The following ELF2 variants were observed in gnomAD, a reference collection of about 807,000 sequenced individuals.
The protein encoded by ELF2 is E74 like ETS transcription factor 2.
ELF2 carries 11 observed loss-of-function variants against 54.8 expected under a neutral mutation model. The ratio of observed to expected loss-of-function variants is 0.20; its 90% CI spans 0.13 to 0.33. The LOEUF (loss-of-function observed/expected upper bound fraction) is 0.33. Ranked by LOEUF, ELF2 falls within the 10% of genes least tolerant of loss-of-function variation. The pLI is 1.00. For missense variants in ELF2, 513 were observed against 703.0 expected, an observed-to-expected ratio of 0.73 and a Z score of 3.06; for synonymous variants, 203 against 245.1, an observed-to-expected ratio of 0.83 and a Z score of 1.61.
At chr4:139,136,289 T>C (rs977039347) in intron 3 of ELF2, among the ~76,000 whole-genome samples, 2 of 152,048 alleles carry the variant, frequency 1.3e-5, no homozygotes, top group East Asian at 1.9e-4. Context: ...TGGATTTGAA[T>C]ACAAAAGAAA....
intron 1 of ELF2, 67 bp from the exon 2 acceptor site, chr4:139,139,564 G>C: frequency 2.4e-6 from 2 of 840,810 alleles, no homozygotes; most frequent in South Asian, 6.2e-5. Flanking sequence ...TGCTCAAACA[G>C]ATGTGATTGA....
chr4:139,070,823 C>T (rs1729405447), intron 6 of ELF2, among the ~76,000 whole-genome samples: 1 of 152,174 alleles, frequency 6.6e-6, no homozygotes, highest in South Asian at 2.1e-4. Flanking sequence ...TTATTCTCAT[C>T]TCCCTTACAA....
chr4:139,157,005 C>T (rs964644885), intron 1 of ELF2, among the ~76,000 whole-genome samples: 4 of 152,076 alleles, frequency 2.6e-5, no homozygotes, highest in African/African-American at 9.7e-5. Flanking sequence ...GAAATATATC[C>T]TAAGAAAGGC....
chr4:139,086,208 G>A (rs1731964112), intron 4 of ELF2, among the ~76,000 whole-genome samples: 1 of 75,032 alleles, frequency 1.3e-5, no homozygotes, highest in South Asian at 6.4e-4. Context: ...GAGAGAATAG[G>A]AAGAGGCCAA....
chr4:139,060,732 C>T, intron 8 of ELF2, 58 bp from the exon 9 acceptor site: 1 of 1,428,454 alleles, frequency 7.0e-7, no homozygotes, highest in East Asian at 2.3e-5. Flanking sequence ...CCCCACTCCA[C>T]CCCCGCCAAA....
At chr4:139,060,930 C>T (rs535217868) in intron 8 of ELF2, among the ~76,000 whole-genome samples, 7 of 152,206 alleles carry the variant, frequency 4.6e-5, no homozygotes, top group African/African-American at 4.8e-5. Context: ...CATTCTTTTT[C>T]TTAAAAGAAA....
intron 4 of ELF2, among the ~76,000 whole-genome samples, chr4:139,110,205 C>T (rs762810388): frequency 1.3e-4 from 20 of 152,138 alleles, no homozygotes; most frequent in Non-Finnish European, 2.4e-4. Context: ...GATTAAGACT[C>T]TTAAAGTGGC....
intron 7 of ELF2, chr4:139,066,293 ATC>A (rs1728697043): frequency 6.6e-6 from 1 of 151,968 alleles, no homozygotes. Context: ...ATGATACTTT[ATC>A]TGTCAGAATC....
intron 4 of ELF2, among the ~76,000 whole-genome samples, chr4:139,079,877 G>C (rs965331404): frequency 1.3e-5 from 2 of 152,200 alleles, no homozygotes; most frequent in Admixed American, 6.5e-5. Flanking sequence ...CTGCACTCCA[G>C]GCTGGGCGAC....
intron 1 of ELF2, among the ~76,000 whole-genome samples, chr4:139,159,167 A>G (rs1189686298): frequency 6.6e-6 from 1 of 152,146 alleles, no homozygotes; most frequent in East Asian, 1.9e-4. Flanking sequence ...AGTAAAGTCA[A>G]TTTGCCAGTC....
intron 1 of ELF2, among the ~76,000 whole-genome samples, chr4:139,154,785 G>C (rs1225132229): frequency 3.3e-5 from 5 of 152,164 alleles, no homozygotes; most frequent in Non-Finnish European, 7.4e-5. Context: ...TTCCTCTGAT[G>C]TAAAAATGCA....
At chr4:139,120,995 T>C (rs1429335872) in intron 4 of ELF2, among the ~76,000 whole-genome samples, 1 of 151,708 alleles carries the variant, frequency 6.6e-6, no homozygotes, top group Non-Finnish European at 1.5e-5. Context: ...AAACATTCCC[T>C]AATCCTGTAA....
rs1578680036 is a variant in ELF2, at chr4:139,067,753, T to C, written c.544A>G (p.Thr182Ala). 6.3e-7 allele frequency: 1 copy of C among 1,597,638 alleles called. No homozygotes were observed. Among genetic ancestry groups the C allele is most frequent in the Middle Eastern group, 1.7e-4 (1 of 5,998 alleles). ...CCATTGGAAATTGGTGATTGCTGGG[T>C]CTTTGGTTTACGGCCAACTGAAAAA... The part of the protein sequence containing the change: ...KKKKVGRKPK[T>A]QQSPISNGSP... The change falls in exon 7 of 10, where the codon ACC (threonine) becomes GCC (alanine). Residue 182 changes from threonine to alanine, a missense_variant. Physicochemically the swap from Thr to Ala is moderately conservative, Grantham distance 58. Coordinates refer to ENST00000686138, the MANE Select transcript of ELF2 (RefSeq NM_001331036.3).
intron 4 of ELF2, among the ~76,000 whole-genome samples, chr4:139,095,211 G>T (rs1733123488): frequency 6.9e-6 from 1 of 145,748 alleles, no homozygotes; most frequent in African/African-American, 2.5e-5. Flanking sequence ...TTGAGACAGA[G>T]TCTCATTCTG....
At chr4:139,076,918 TAC>T (rs1730390055) in intron 4 of ELF2, among the ~76,000 whole-genome samples, 1 of 152,158 alleles carries the variant, frequency 6.6e-6, no homozygotes, top group Non-Finnish European at 1.5e-5. Flanking sequence ...CAGAGTAAAA[TAC>T]ATACTTAGAA....
chr4:139,092,162 G>A (rs1732664189), intron 4 of ELF2, among the ~76,000 whole-genome samples: 1 of 151,616 alleles, frequency 6.6e-6, no homozygotes, highest in South Asian at 2.1e-4. Context: ...AGGAGTTCAA[G>A]ACCAGCCTGG....
chr4:139,088,995 G>A (rs1246655707), intron 4 of ELF2, among the ~76,000 whole-genome samples: 1 of 152,182 alleles, frequency 6.6e-6, no homozygotes, highest in East Asian at 1.9e-4. Flanking sequence ...GACCTCAGGT[G>A]ATCTGCCCAC....
intron 1 of ELF2, among the ~76,000 whole-genome samples, chr4:139,157,498 C>A (rs1484481911): frequency 6.6e-6 from 1 of 152,106 alleles, no homozygotes; most frequent in Non-Finnish European, 1.5e-5. Context: ...ACCTCCTGGG[C>A]TCAAGCAATC....
chr4:139,174,589 A>G (rs2148923627), intron 1 of ELF2, among the ~76,000 whole-genome samples: 1 of 140,616 alleles, frequency 7.1e-6, no homozygotes, highest in African/African-American at 2.7e-5. Flanking sequence ...AATGAGGTAC[A>G]GAAACTACTC....
Sources: allele counts gnomAD v4.1 joint callset (sites outside exome capture counted in the v4.1 genomes callset), GRCh38; gene constraint gnomAD v4.1.1; transcripts MANE v1.5; gene names NCBI Gene and HGNC (gene_info 2026-07-23, HGNC 2026-07-21).